Variants in CTSH observed in about 807,000 individuals in gnomAD.
CTSH encodes cathepsin H, also known as pro-cathepsin H.
Under a neutral mutation model 56.3 loss-of-function variants are expected in CTSH, and 52 were observed. That is an observed-to-expected ratio of 0.92 (90% CI 0.74 to 1.16). CTSH has a LOEUF of 1.16. Ranked by LOEUF, CTSH falls within the 50% of genes most tolerant of loss-of-function variation. The pLI is 0.00. For missense variants in CTSH, 406 were observed against 424.5 expected (o/e 0.96, Z 0.38); for synonymous variants, 174 against 155.7 (o/e 1.12, Z -0.88).
chr15:78,937,303 A>G lies in CTSH; in HGVS notation c.229+15T>C, dbSNP rs770334982. 6.2e-7 allele frequency: 1 copy of G among 1,603,170 alleles called. No individual in the cohort carries two copies. Among genetic ancestry groups the G allele is most frequent in the Non-Finnish European group, 8.5e-7 (1 of 1,170,670 alleles). On this transcript the variant is annotated intron_variant, in intron 3 of 11. Coordinates refer to ENST00000220166, the MANE Select transcript of CTSH (RefSeq NM_004390.5). ...CTGACATCCTTCCAGGAAGGAAGGA[A>G]GGCGTTCCACGTACTTTTAAATGTG...
At chr15:78,933,558 T>G in intron 5 of CTSH, 1 of 455,028 alleles carries the variant, frequency 2.2e-6, no homozygotes, top group Non-Finnish European at 4.4e-6. Context: ...CTCTCTCAGC[T>G]GGGGGAGGGA....
rs907429987 is a variant in CTSH at position 78,927,747 on chromosome 15, A to T, written c.665T>A (p.Ile222Asn). 1.3e-5 allele frequency: 21 copies of T among 1,614,088 alleles called. No individual in the cohort carries two copies. The African/African-American group carries it at 2.8e-4, about 22-fold the overall frequency. ...GYCKFQPGKA[I>N]GFVKDVANIT... ...GTTGGCTACATCCTTGACAAAGCCG[A>T]TGGCCTTTCCAGGTTGGAACTTGCA... The change falls in exon 9 of 12, where the codon ATC becomes AAC. Residue 222 changes from isoleucine (I) to asparagine (N), a missense_variant. Ile to Asn is a moderately radical substitution (Grantham distance 149). Coordinates refer to ENST00000220166, the MANE Select transcript of CTSH (RefSeq NM_004390.5).
intron 3 of CTSH, 124 bp from the exon 4 acceptor site, chr15:78,935,874 C>T: frequency 4.6e-6 from 3 of 649,958 alleles, no homozygotes; most frequent in Non-Finnish European, 2.7e-6. Flanking sequence ...AACCCATCTC[C>T]TTTAAGTTTT....
chr15:78,922,474 C>T (rs762180482), intron 11 of CTSH, among the ~76,000 whole-genome samples: 4 of 152,172 alleles, frequency 2.6e-5, no homozygotes, highest in South Asian at 2.1e-4. Flanking sequence ...TAGCCCTGGC[C>T]GGGCCCTCAC....
rs1408664248 is a variant in CTSH at position 78,944,886 on chromosome 15, C to T, written c.91+5G>A. The T allele has an allele frequency of 1.2e-5, 18 of 1,546,254 alleles. No individual in the cohort carries two copies. Among genetic ancestry groups the T allele is most frequent in the Non-Finnish European group, 1.4e-5 (16 of 1,144,708 alleles). ...ACCCTCTCGGGCGGCGCGCCCTCTG[C>T]GTACCTAAGGAGTTCACGCACAGTT... On this transcript the variant is annotated splice_donor_5th_base_variant and intron_variant, in intron 1 of 11. Transcript: ENST00000220166.
Position 78,928,161 on chromosome 15 carries a change from C to T in CTSH, c.631-380G>A, listed in dbSNP as rs143757162. The stretch of plus-strand genomic sequence containing the variant: ...AGGGGTAAGGTCACAAGGAGGGAAG[C>T]GCAGCCCTTTCAAGGCAGGAGAGAA... On this transcript the variant is annotated intron_variant, in intron 8 of 11. Coordinates refer to ENST00000220166, the MANE Select transcript of CTSH (RefSeq NM_004390.5). Among the ~76,000 whole-genome samples, 248 of 139,396 alleles carry T rather than the reference C, an allele frequency of 1.8e-3. 1 individual carries two copies. The highest frequency in any genetic ancestry group is 5.3e-3 in the African/African-American group (189 of 35,804). 91.4% of individuals were successfully genotyped at this position (139,396 alleles called of 152,430 possible).
At chr15:78,932,053 G>A in intron 6 of CTSH, 1 of 1,235,474 alleles carries the variant, frequency 8.1e-7, no homozygotes, top group Non-Finnish European at 1.0e-6. Flanking sequence ...TGGGAAGGGT[G>A]TAGCTCCTAG....
chr15:78,940,483 G>GCT (rs1463871707), intron 1 of CTSH, among the ~76,000 whole-genome samples: 1 of 151,454 alleles, frequency 6.6e-6, no homozygotes, highest in Admixed American at 6.6e-5. Context: ...GCTGCAATGA[G>GCT]CTATGATAGC....
rs372171056 is a variant in CTSH at position 78,929,484 on chromosome 15, G to A, written c.558C>T (p.Pro186=). 15 of 1,609,914 alleles carry A rather than the reference G, an allele frequency of 9.3e-6. No homozygotes were observed. The African/African-American group carries it at 1.6e-4, about 17-fold the overall frequency. The change falls in exon 8 of 12, where the codon CCC becomes CCT. Residue 186 remains proline, a synonymous_variant. Coordinates refer to ENST00000220166, the MANE Select transcript of CTSH (RefSeq NM_004390.5). ...ACAGGATATACTCGAAAGCCTGGCT[G>A]GGGAGACCCCTGCAAGAAGTACACA... ...FNNHGCQGGL[P]SQAFEYILYN...
chr15:78,937,705 C>A, intron 2 of CTSH: 1 of 1,372,822 alleles, frequency 7.3e-7, no homozygotes, highest in Non-Finnish European at 9.6e-7. Context: ...GTGGGGCACT[C>A]CTGGACGCCA....
intron 10 of CTSH, 138 bp from the exon 11 acceptor site, chr15:78,923,256 T>C (rs768744131): frequency 1.1e-6 from 1 of 874,102 alleles, no homozygotes; most frequent in Non-Finnish European, 1.8e-6. Flanking sequence ...GGTGGTGATG[T>C]AATCACATTT....
intron 10 of CTSH, 138 bp downstream of exon 10, chr15:78,925,196 C>G (rs2054876302): frequency 1.6e-6 from 1 of 606,182 alleles, no homozygotes; most frequent in Middle Eastern, 3.5e-4. Context: ...GTGCAAAACG[C>G]CCAGCACCTG....
chr15:78,939,295 A>ATTTT, intron 1 of CTSH, 124 bp from the exon 2 acceptor site: 3 of 680,282 alleles, frequency 4.4e-6, no homozygotes, highest in Non-Finnish European at 7.4e-6. Flanking sequence ...AACACCAAAA[A>ATTTT]TGGTGTTATA....
intron 1 of CTSH, among the ~76,000 whole-genome samples, chr15:78,942,777 A>T (rs2055322754): frequency 1.3e-5 from 2 of 152,140 alleles, no homozygotes; most frequent in Non-Finnish European, 2.9e-5. Context: ...CTGTAAATGG[A>T]TTTCCAGAAC....
intron 5 of CTSH, among the ~76,000 whole-genome samples, chr15:78,933,324 G>A (rs1008462574): frequency 6.6e-6 from 1 of 152,260 alleles, no homozygotes; most frequent in Non-Finnish European, 1.5e-5. Flanking sequence ...CTTGCAGGGC[G>A]CTAGCAGGGT....
intron 11 of CTSH, among the ~76,000 whole-genome samples, chr15:78,922,597 G>A (rs561424145): frequency 2.2e-4 from 34 of 152,296 alleles, no homozygotes; most frequent in African/African-American, 7.9e-4. Context: ...CACCCAGGCC[G>A]CCCCATGCCA....
chr15:78,933,022 A>T (rs2055098029), intron 5 of CTSH, among the ~76,000 whole-genome samples: 2 of 152,124 alleles, frequency 1.3e-5, no homozygotes, highest in South Asian at 2.1e-4. Context: ...AGGCTCAGAC[A>T]TCCAACTAAC....
At chr15:78,938,106 C>T (rs538020482) in intron 2 of CTSH, among the ~76,000 whole-genome samples, 10 of 152,200 alleles carry the variant, frequency 6.6e-5, no homozygotes, top group Admixed American at 6.5e-5. Flanking sequence ...CAGTGGCTCA[C>T]GCCTGTAATC....
intron 8 of CTSH, among the ~76,000 whole-genome samples, chr15:78,928,201 G>T (rs2054956493): frequency 7.5e-6 from 1 of 134,218 alleles, no homozygotes; most frequent in Non-Finnish European, 1.6e-5. Flanking sequence ...GCAGGACAAG[G>T]GACAGAACTA....
Sources: allele counts gnomAD v4.1 joint callset (sites outside exome capture counted in the v4.1 genomes callset), GRCh38; gene constraint gnomAD v4.1.1; transcripts MANE v1.5; gene names NCBI Gene and HGNC (gene_info 2026-07-23, HGNC 2026-07-21).